The following CDH19 variants were observed in gnomAD, a reference collection of about 807,000 sequenced individuals.
CDH19 encodes the protein cadherin 19.
CDH19 carries 67 observed loss-of-function variants against 64.2 expected under a neutral mutation model. That is an observed-to-expected ratio of 1.04 (90% CI 0.86 to 1.28). The LOEUF (loss-of-function observed/expected upper bound fraction) is 1.28. Ranked by LOEUF, CDH19 falls within the 50% of genes most tolerant of loss-of-function variation. The pLI, the probability that CDH19 is intolerant of heterozygous loss-of-function variation, is 0.00. For missense variants in CDH19, 1,030 were observed against 929.0 expected, an observed-to-expected ratio of 1.11 and a Z score of -1.41; for synonymous variants, 346 against 319.3, an observed-to-expected ratio of 1.08 and a Z score of -0.89.
chr18:66,569,842 T>C (rs2144575754), intron 2 of CDH19, among the ~76,000 whole-genome samples: 1 of 151,802 alleles, frequency 6.6e-6, no homozygotes, highest in South Asian at 2.1e-4. Context: ...AATCATGAAA[T>C]CAGTTGTAAA....
At chr18:66,556,568 G>A (rs1987528226) in intron 3 of CDH19, among the ~76,000 whole-genome samples, 1 of 151,604 alleles carries the variant, frequency 6.6e-6, no homozygotes, top group Non-Finnish European at 1.5e-5. Flanking sequence ...TGTCCCCCAG[G>A]CTCATCCATG....
At chr18:66,550,074 A>G (rs970290422) in intron 5 of CDH19, among the ~76,000 whole-genome samples, 1 of 152,192 alleles carries the variant, frequency 6.6e-6, no homozygotes, top group Non-Finnish European at 1.5e-5. Context: ...AAATCATGCT[A>G]TGGTATATAT....
chr18:66,575,205 T>C (rs1293486998), intron 1 of CDH19, among the ~76,000 whole-genome samples: 1 of 151,768 alleles, frequency 6.6e-6, no homozygotes, highest in Admixed American at 6.6e-5. Context: ...AACTAAGTCA[T>C]TTTTTATGGA....
intron 1 of CDH19, among the ~76,000 whole-genome samples, chr18:66,573,521 G>A (rs904664398): frequency 1.3e-5 from 2 of 151,534 alleles, no homozygotes; most frequent in Non-Finnish European, 3.0e-5. Flanking sequence ...TTTATGTTAC[G>A]TATTTGAAAT....
At chr18:66,569,453 C>T (rs1988031426) in intron 2 of CDH19, among the ~76,000 whole-genome samples, 1 of 151,534 alleles carries the variant, frequency 6.6e-6, no homozygotes, top group Non-Finnish European at 1.5e-5. Context: ...TGTCCACTGA[C>T]AACAACTCAG....
At chr18:66,505,452 G>A in intron 11 of CDH19, 150 bp from the exon 12 acceptor site, 1 of 572,190 alleles carries the variant, frequency 1.7e-6, no homozygotes, top group Non-Finnish European at 2.6e-6. Flanking sequence ...ATTTGCCAAA[G>A]GGACTTGCAA....
intron 7 of CDH19, among the ~76,000 whole-genome samples, chr18:66,535,402 G>T (rs977905756): frequency 3.3e-5 from 5 of 151,228 alleles, no homozygotes; most frequent in Admixed American, 3.3e-4. Context: ...CAGCCTAGAC[G>T]AGTATTGATC....
intron 9 of CDH19, among the ~76,000 whole-genome samples, chr18:66,525,555 G>A (rs1372908116): frequency 6.6e-6 from 1 of 152,120 alleles, no homozygotes; most frequent in East Asian, 1.9e-4. Flanking sequence ...ACCCAAGTCA[G>A]TCTGACTCTA....
chr18:66,534,329 T>A (rs984571714), intron 8 of CDH19, among the ~76,000 whole-genome samples: 1 of 151,916 alleles, frequency 6.6e-6, no homozygotes, highest in African/African-American at 2.4e-5. Flanking sequence ...GCAAATAATA[T>A]GCGGAGATGC....
At chr18:66,599,627 T>A (rs1319177836) in intron 1 of CDH19, among the ~76,000 whole-genome samples, 1 of 152,072 alleles carries the variant, frequency 6.6e-6, no homozygotes, top group East Asian at 1.9e-4. Flanking sequence ...CATTCCACAT[T>A]GTTTTCATGA....
chr18:66,579,113 C>T (rs986178430), intron 1 of CDH19, among the ~76,000 whole-genome samples: 6 of 151,838 alleles, frequency 4.0e-5, no homozygotes, highest in African/African-American at 1.4e-4. Context: ...TTCAATTCAA[C>T]TTGAGTATAT....
intron 2 of CDH19, among the ~76,000 whole-genome samples, chr18:66,571,374 T>G (rs775012893): frequency 6.6e-6 from 1 of 151,696 alleles, no homozygotes; most frequent in Non-Finnish European, 1.5e-5. Context: ...TTCATTTATC[T>G]AGAGAAAAAG....
chr18:66,537,425 T>C (rs1369526082), intron 7 of CDH19, among the ~76,000 whole-genome samples: 2 of 151,992 alleles, frequency 1.3e-5, no homozygotes, highest in Admixed American at 6.6e-5. Context: ...TAGGCTATCA[T>C]ATCAGGGGAA....
At position 66,543,368 on chromosome 18, in the gene CDH19, T is replaced by C. The variant is rs186678573; in HGVS notation, c.1214+603A>G. 6.6e-5 allele frequency among the ~76,000 whole-genome samples: 10 copies of C among 152,214 alleles called. 1 individual carries two copies. The highest frequency in any genetic ancestry group is 4.6e-4 in the Admixed American group (7 of 15,304). On this transcript the variant is annotated intron_variant, in intron 7 of 11. Coordinates refer to ENST00000262150, the MANE Select transcript of CDH19 (RefSeq NM_021153.4). ...TTGATCAGCTTTGTTTCAGCTCTAA[T>C]TGGGGCTTTTTAAAAAACGATTGTT...
intron 11 of CDH19, among the ~76,000 whole-genome samples, chr18:66,505,674 T>C (rs555874607): frequency 6.6e-6 from 1 of 151,064 alleles, no homozygotes; most frequent in African/African-American, 2.4e-5. Context: ...AGAATAAAAC[T>C]TTGCAACCTG....
In CDH19 at chr18:66,509,063, A is replaced by C. The variant is rs1382423542; in HGVS notation, c.1760T>G (p.Leu587Arg). ...GSTQTCQYQE[L>R]VLSMGFKTEV... is the part of the protein sequence containing the mutation. ...TGTCTTGAATCCCATGGAAAGCACAAGCTCCTGGTACTGGCAGGTCTGTGT... is the reference window on the plus strand; with the variant it reads ...TGTCTTGAATCCCATGGAAAGCACACGCTCCTGGTACTGGCAGGTCTGTGT... The change falls in exon 11 of 12, where the codon CTT becomes CGT. Residue 587 changes from leucine (L) to arginine (R), a missense_variant. Leu to Arg is a moderately radical substitution (Grantham distance 102, BLOSUM62 -2). Coordinates refer to ENST00000262150, the MANE Select transcript of CDH19 (RefSeq NM_021153.4). 6.2e-7 allele frequency: 1 copy of C among 1,612,852 alleles called. No individual in the cohort carries two copies. The highest frequency in any genetic ancestry group is 1.7e-5 in the Admixed American group (1 of 59,826).
intron 4 of CDH19, 70 bp from the exon 5 acceptor site, chr18:66,551,328 C>A: frequency 1.2e-6 from 1 of 856,628 alleles, no homozygotes; most frequent in Non-Finnish European, 1.9e-6. Flanking sequence ...AATTTCTTAA[C>A]CATTGCAGTA....
intron 11 of CDH19, 151 bp from the exon 12 acceptor site, chr18:66,505,453 G>A (rs1985148667): frequency 1.8e-6 from 1 of 568,242 alleles, no homozygotes; most frequent in East Asian, 3.5e-5. Flanking sequence ...TTTGCCAAAG[G>A]GACTTGCAAA....
chr18:66,506,419 G>T (rs867016751), intron 11 of CDH19, among the ~76,000 whole-genome samples: 4 of 151,802 alleles, frequency 2.6e-5, no homozygotes, highest in Admixed American at 2.0e-4. Context: ...ACAACACACT[G>T]TACCCCATAA....
Sources: gnomAD v4.1 joint callset for allele counts (sites outside exome capture counted in the v4.1 genomes callset) on GRCh38, gnomAD v4.1.1 for gene constraint, MANE v1.5 for transcripts, NCBI Gene and HGNC (gene_info 2026-07-23, HGNC 2026-07-21) for gene names.